The following LIMCH1 variants were observed in gnomAD, a reference collection of about 807,000 sequenced individuals.
LIMCH1 encodes LIM and calponin homology domains-containing protein 1.
LIMCH1 carries 113 observed loss-of-function variants against 176.5 expected under a neutral mutation model. That is an observed-to-expected ratio of 0.64 (90% CI 0.55 to 0.75). The LOEUF (loss-of-function observed/expected upper bound fraction) is 0.75. Ranked by LOEUF, LIMCH1 falls within the 30% of genes least tolerant of loss-of-function variation. The pLI is 0.00. For missense variants in LIMCH1, 1,674 were observed against 1,814.9 expected, an observed-to-expected ratio of 0.92 and a Z score of 1.41; for synonymous variants, 619 against 645.9, an observed-to-expected ratio of 0.96 and a Z score of 0.63.
intron 1 of LIMCH1, among the ~76,000 whole-genome samples, chr4:41,458,548 G>A (rs914027576): frequency 3.3e-5 from 5 of 151,902 alleles, no homozygotes; most frequent in South Asian, 2.1e-4. Context: ...AGGCAGAGGC[G>A]GCCAATCACG....
chr4:41,402,091 G>A (rs1328458420), intron 1 of LIMCH1, among the ~76,000 whole-genome samples: 2 of 152,120 alleles, frequency 1.3e-5, no homozygotes, highest in Admixed American at 1.3e-4. Context: ...TGGTGAGAGA[G>A]GGCATCCCTG....
intron 1 of LIMCH1, among the ~76,000 whole-genome samples, chr4:41,412,827 G>C (rs1202187287): frequency 6.6e-6 from 1 of 152,084 alleles, no homozygotes; most frequent in Non-Finnish European, 1.5e-5. Flanking sequence ...CATGTCAAGA[G>C]AAAAAATTAA....
Position 41,692,356 on chromosome 4 carries a change from C to T in LIMCH1, c.4350C>T (p.Asn1450=). 6.2e-7 allele frequency: 1 copy of T among 1,612,392 alleles called. No homozygotes were observed. The highest frequency in any genetic ancestry group is 8.5e-7 in the Non-Finnish European group (1 of 1,178,546). Residue 1450 remains asparagine (N), a synonymous_variant, in exon 31 of 32, where the codon AAC becomes AAT. Transcript: ENST00000503057. ...TDVRIRNGLL[N]CNDCYMRSRS... ...TTAGGATTCGAAATGGTCTCCTGAA[C>T]TGTAATGATTGCTACATGCGATCCA...
intron 1 of LIMCH1, among the ~76,000 whole-genome samples, chr4:41,361,261 GA>G (rs1311625133): frequency 1.3e-5 from 2 of 152,230 alleles, no homozygotes; most frequent in African/African-American, 4.8e-5. Context: ...GCTGCCAAGG[GA>G]AGCGCAGTGC....
Position 41,638,950 on chromosome 4 carries a change from T to A in LIMCH1, c.2109T>A (p.Pro703=), listed in dbSNP as rs748950721. 1.9e-6 allele frequency: 3 copies of A among 1,593,346 alleles called. No individual in the cohort carries two copies. The highest frequency in any genetic ancestry group is 2.6e-6 in the Non-Finnish European group (3 of 1,174,028). The change falls in exon 14 of 32, where the codon CCT becomes CCA. Residue 703 remains proline, a synonymous_variant. Transcript: ENST00000503057. ...CTTATAGATACGGTCCGAGAACTCC[T>A]GTGTCTGATGACGCAGAGTAAGTTG... The part of the protein sequence containing the change: ...MKDQRYGPRT[P]VSDDAESTSM...
At chr4:41,585,865 A>G (rs1250120168) in intron 1 of LIMCH1, among the ~76,000 whole-genome samples, 1 of 152,212 alleles carries the variant, frequency 6.6e-6, no homozygotes, top group Non-Finnish European at 1.5e-5. Context: ...TATATGACTC[A>G]TGTAGGTTGG....
intron 1 of LIMCH1, among the ~76,000 whole-genome samples, chr4:41,402,709 A>G (rs1225916707): frequency 6.7e-6 from 1 of 148,952 alleles, no homozygotes; most frequent in Non-Finnish European, 1.5e-5. Context: ...CATCATTCTC[A>G]GTAAACTATC....
intron 1 of LIMCH1, among the ~76,000 whole-genome samples, chr4:41,451,646 C>G (rs1437966091): frequency 6.6e-6 from 1 of 152,144 alleles, no homozygotes; most frequent in African/African-American, 2.4e-5. Flanking sequence ...CATCTCAAAT[C>G]CTACAGCTGA....
At chr4:41,492,627 A>AT (rs1300588209) in intron 1 of LIMCH1, among the ~76,000 whole-genome samples, 5 of 152,160 alleles carry the variant, frequency 3.3e-5, no homozygotes, top group African/African-American at 1.2e-4. Context: ...ATTTAGGTCT[A>AT]TTTGGTAGAT....
intron 3 of LIMCH1, among the ~76,000 whole-genome samples, chr4:41,531,801 C>T (rs1337578168): frequency 6.6e-6 from 1 of 152,132 alleles, no homozygotes; most frequent in Non-Finnish European, 1.5e-5. Context: ...ATGTGTTTTT[C>T]CTGCTACTCT....
At chr4:41,378,875 G>A (rs1237394660) in intron 1 of LIMCH1, among the ~76,000 whole-genome samples, 3 of 152,144 alleles carry the variant, frequency 2.0e-5, no homozygotes, top group Non-Finnish European at 4.4e-5. Flanking sequence ...CTTGACGAAG[G>A]GGTAGAGAGG....
At chr4:41,603,680 G>C (rs2090298529) in intron 2 of LIMCH1, among the ~76,000 whole-genome samples, 195 bp from the exon 3 acceptor site, 1 of 152,086 alleles carries the variant, frequency 6.6e-6, no homozygotes, top group African/African-American at 2.4e-5. Context: ...ATCCCACCTT[G>C]TCCTTCTACA....
intron 22 of LIMCH1, among the ~76,000 whole-genome samples, chr4:41,674,681 T>C (rs1351401041): frequency 6.6e-6 from 1 of 152,186 alleles, no homozygotes; most frequent in African/African-American, 2.4e-5. Context: ...CTAGCCTACC[T>C]TAAACGTGCT....
intron 2 of LIMCH1, among the ~76,000 whole-genome samples, chr4:41,502,784 T>G (rs6447078): frequency 0.46 from 70,447 of 151,858 alleles, 19,940 homozygotes; most frequent in African/African-American, 0.8. Flanking sequence ...GTGGTCGGGT[T>G]GGGGGTTGAG....
intron 21 of LIMCH1, among the ~76,000 whole-genome samples, chr4:41,669,409 A>T (rs1005707993): frequency 2.6e-5 from 4 of 152,198 alleles, no homozygotes; most frequent in Non-Finnish European, 5.9e-5. Flanking sequence ...TTAAAATAAG[A>T]GTGTTCATGT....
At chr4:41,379,898 A>G (rs2055380331) in intron 1 of LIMCH1, among the ~76,000 whole-genome samples, 1 of 152,178 alleles carries the variant, frequency 6.6e-6, no homozygotes, top group Admixed American at 6.5e-5. Context: ...TCCTGGGTTC[A>G]GGCAGTTCTC....
intron 1 of LIMCH1, among the ~76,000 whole-genome samples, chr4:41,548,656 G>T (rs2079940224): frequency 6.6e-6 from 1 of 152,130 alleles, no homozygotes; most frequent in African/African-American, 2.4e-5. Flanking sequence ...ATGCCTTCCA[G>T]ATATATGTTC....
intron 2 of LIMCH1, among the ~76,000 whole-genome samples, chr4:41,497,525 C>T (rs537654771): frequency 3.3e-5 from 5 of 152,186 alleles, no homozygotes; most frequent in South Asian, 4.2e-4. Flanking sequence ...TAAGTTTGGC[C>T]GGGCACGGTG....
chr4:41,378,615 G>A (rs534184325), intron 1 of LIMCH1, among the ~76,000 whole-genome samples: 118 of 152,260 alleles, frequency 7.7e-4, no homozygotes, highest in African/African-American at 1.9e-3. Flanking sequence ...GGATGATTAC[G>A]ATGGCCAGCA....
Sources: gnomAD v4.1 joint callset for allele counts (sites outside exome capture counted in the v4.1 genomes callset) on GRCh38, gnomAD v4.1.1 for gene constraint, MANE v1.5 for transcripts, NCBI Gene and HGNC (gene_info 2026-07-23, HGNC 2026-07-21) for gene names.